Variants in ACTN4 observed in about 807,000 individuals in gnomAD.
ACTN4 encodes alpha-actinin-4.
In ACTN4, 18 loss-of-function variants were observed where a neutral mutation model predicts 114.2. The observed-to-expected ratio is 0.16, with a 90% CI of 0.11 to 0.23. ACTN4 has a LOEUF of 0.23. Ranked by LOEUF, ACTN4 falls within the 10% of genes least tolerant of loss-of-function variation. ACTN4 has a pLI of 1.00. For synonymous variants in ACTN4, 515 were observed against 506.3 expected (o/e 1.02, Z -0.23); for missense variants, 722 against 1,262.9 (o/e 0.57, Z 6.49).
At position 38,658,943 on chromosome 19, in the gene ACTN4, G is replaced by A. The variant is rs1184281396; in HGVS notation, c.162+11036G>A. On this transcript the variant is annotated intron_variant, in intron 1 of 20. Transcript: ENST00000252699. ...TCAAGAATGTCGGCTATAATCACCC[G>A]ACACTGTGTCTCATGGTGGGGTGAG... is the stretch of plus-strand genomic sequence containing the variant. 5.3e-5 allele frequency among the ~76,000 whole-genome samples: 8 copies of A among 152,026 alleles called. No individual in the cohort carries two copies. In the South Asian group the frequency reaches 1.2e-3, roughly 24 times the overall value.
chr19:38,650,980 G>T (rs1033898009), intron 1 of ACTN4, among the ~76,000 whole-genome samples: 1 of 152,122 alleles, frequency 6.6e-6, no homozygotes, highest in African/African-American at 2.4e-5. Flanking sequence ...AGATCCGCCC[G>T]CCTCGGTCTC....
intron 1 of ACTN4, among the ~76,000 whole-genome samples, chr19:38,699,932 A>G (rs1315713195): frequency 6.6e-6 from 1 of 152,096 alleles, no homozygotes; most frequent in Non-Finnish European, 1.5e-5. Context: ...GGCTGCCCAA[A>G]GCTCAAAGAG....
chr19:38,657,868 C>T (rs370473612), intron 1 of ACTN4, among the ~76,000 whole-genome samples: 74 of 152,290 alleles, frequency 4.9e-4, no homozygotes, highest in African/African-American at 1.6e-3. Context: ...AAGCTGACTT[C>T]AGTTGGTGTC....
In ACTN4 at chr19:38,721,523, C is replaced by T. The variant is rs564785718; in HGVS notation, c.1292-15C>T. 1.9e-6 allele frequency: 3 copies of T among 1,613,628 alleles called. No individual in the cohort carries two copies. The East Asian group carries it at 6.7e-5, about 36-fold the overall frequency. Reference sequence around the variant, plus strand: ...CTGCCGTGCTGTGGTCTAAGCGTCTCTCTGCTCCTACCAGGGAAGGAAGCC... The same window carrying T: ...CTGCCGTGCTGTGGTCTAAGCGTCTTTCTGCTCCTACCAGGGAAGGAAGCC... On this transcript the variant is annotated splice_polypyrimidine_tract_variant and intron_variant, in intron 11 of 20. Transcript: ENST00000252699.
intron 1 of ACTN4, among the ~76,000 whole-genome samples, chr19:38,654,853 C>T (rs575412500): frequency 2.2e-4 from 34 of 152,106 alleles, no homozygotes; most frequent in Non-Finnish European, 4.1e-4. Context: ...GTTTGAACAG[C>T]GTTTACTCTG....
At position 38,723,255 on chromosome 19, in the gene ACTN4, C is replaced by T. The variant is rs112457125; in HGVS notation, c.1443-359C>T. ...CTGCTCCCCATGTCCTGTTCCTCCC[C>T]AGAGTCGTTCCCTGCCCCCTACCCC... On this transcript the variant is annotated intron_variant, in intron 12 of 20. Transcript: ENST00000252699. 3.4e-3 allele frequency among the ~76,000 whole-genome samples: 521 copies of T among 152,282 alleles called. 5 individuals carry two copies. Among genetic ancestry groups the T allele is most frequent in the Middle Eastern group, 0.014 (4 of 294 alleles).
chr19:38,702,506 G>A (rs1270789345), intron 3 of ACTN4, among the ~76,000 whole-genome samples: 3 of 152,202 alleles, frequency 2.0e-5, no homozygotes, highest in East Asian at 1.9e-4. Context: ...TCTCCTCACC[G>A]GAACTCCATA....
At chr19:38,728,439 T>TCCCCCCCCCCCCC in intron 19 of ACTN4, 1 of 922,208 alleles carries the variant, frequency 1.1e-6, no homozygotes, top group South Asian at 1.6e-5. Context: ...CTCCTCCTCC[T>TCCCCCCCCCCCCC]CCTCCTCCTC....
chr19:38,693,779 C>T (rs962967384), intron 1 of ACTN4, among the ~76,000 whole-genome samples: 2 of 152,172 alleles, frequency 1.3e-5, no homozygotes, highest in African/African-American at 2.4e-5. Context: ...GCTAGGTCTC[C>T]GTCTCCCTCC....
intron 1 of ACTN4, among the ~76,000 whole-genome samples, chr19:38,665,339 A>G (rs1309493258): frequency 6.6e-6 from 1 of 152,188 alleles, no homozygotes; most frequent in Non-Finnish European, 1.5e-5. Context: ...GAAAAGGGGC[A>G]TCATCCTATC....
chr19:38,681,514 T>G (rs2144923733), intron 1 of ACTN4, among the ~76,000 whole-genome samples: 1 of 152,286 alleles, frequency 6.6e-6, no homozygotes, highest in African/African-American at 2.4e-5. Flanking sequence ...CAAACATCTG[T>G]GGTACTTTTG....
chr19:38,677,549 A>G (rs1967417618), intron 1 of ACTN4, among the ~76,000 whole-genome samples: 1 of 151,918 alleles, frequency 6.6e-6, no homozygotes, highest in South Asian at 2.1e-4. Flanking sequence ...CTCTGAGGAC[A>G]AGGGTATCAT....
chr19:38,724,004 T>G lies in ACTN4; in HGVS notation c.1619T>G (p.Phe540Cys). 2 of 1,613,668 alleles carry G rather than the reference T, an allele frequency of 1.2e-6. No homozygotes were observed. The highest frequency in any genetic ancestry group is 1.7e-6 in the Non-Finnish European group (2 of 1,179,962). Residue 540 changes from phenylalanine to cysteine, a missense_variant, in exon 14 of 21, where the codon TTC becomes TGC. By Grantham distance (205) the Phe-to-Cys change is radical. Around this residue, in one of 3 missense-constraint regions of ACTN4, gnomAD observed 523 missense variants for 875.9 expected, o/e 0.60. Transcript: ENST00000252699. The surrounding 1 kb of genome is among the most constrained non-coding windows in gnomAD (Gnocchi z 7.0). ...GAATACGCCAAGCGCGCGGCCCCCT[T>G]CAACAACTGGATGGAGAGCGCCATG... is the stretch of plus-strand genomic sequence containing the variant. ...HLEYAKRAAP[F>C]NNWMESAMED...
chr19:38,661,853 C>T (rs185900651), intron 1 of ACTN4, among the ~76,000 whole-genome samples: 1 of 152,248 alleles, frequency 6.6e-6, no homozygotes, highest in African/African-American at 2.4e-5. Flanking sequence ...GGGGTTTCAC[C>T]GTGTTAACCA....
chr19:38,669,440 A>T (rs547505622), intron 1 of ACTN4, among the ~76,000 whole-genome samples: 1 of 152,218 alleles, frequency 6.6e-6, no homozygotes, highest in East Asian at 1.9e-4. Flanking sequence ...GAATTTCTAC[A>T]TTGGAAAGGC....
intron 8 of ACTN4, among the ~76,000 whole-genome samples, chr19:38,710,577 A>T (rs1410791991): frequency 6.6e-6 from 1 of 152,238 alleles, no homozygotes; most frequent in East Asian, 1.9e-4. Context: ...TGACTGAGTC[A>T]GACAAGGTCC....
At chr19:38,708,239 G>C (rs1301446599) in intron 6 of ACTN4, 44 bp downstream of exon 6, 3 of 1,602,580 alleles carry the variant, frequency 1.9e-6, no homozygotes, top group Non-Finnish European at 2.6e-6. Flanking sequence ...GACGTGCCCT[G>C]TCTGACCCCC....
rs150408020 is a variant in ACTN4 at position 38,654,298 on chromosome 19, A to T, written c.162+6391A>T. Among the ~76,000 whole-genome samples, 365 of 152,318 alleles carry T rather than the reference A, an allele frequency of 2.4e-3. 1 individual carries two copies. Among genetic ancestry groups the T allele is most frequent in the African/African-American group, 8.3e-3 (346 of 41,576 alleles). ...GTGAAATCGCCGGGTGTGGTGGCTC[A>T]CGCCTGTAATCCCAGCACTTTGGGA... On this transcript the variant is annotated intron_variant, in intron 1 of 20. Coordinates refer to ENST00000252699, the MANE Select transcript of ACTN4 (RefSeq NM_004924.6).
rs1599874175 is a variant in ACTN4 at position 38,730,736 on chromosome 19, A to C, written c.*1304A>C. 3 of 1,320,356 alleles carry C rather than the reference A, an allele frequency of 2.3e-6. No individual in the cohort carries two copies. 81.8% of individuals were successfully genotyped at this position (1,320,356 alleles called of 1,614,324 possible). On this transcript the variant is annotated 3_prime_UTR_variant, in exon 21 of 21. Transcript: ENST00000252699. ...CGGCCGTGAGCAGTGAGGGCCAGAG[A>C]CTAGCCCCAGACAGGTGGATGCCAG... is the stretch of plus-strand genomic sequence containing the variant.
Sources: gnomAD v4.1 joint callset for allele counts (sites outside exome capture counted in the v4.1 genomes callset) on GRCh38, gnomAD v4.1.1 for gene constraint, gnomAD v4.1.1 regional missense constraint, Gnocchi (gnomAD v3.1) non-coding constraint, MANE v1.5 for transcripts, NCBI Gene and HGNC (gene_info 2026-07-23, HGNC 2026-07-21) for gene names.